The following ACOT7 variants were observed in gnomAD, a reference collection of about 807,000 sequenced individuals.
The protein encoded by ACOT7 is cytosolic acyl coenzyme A thioester hydrolase.
A neutral mutation model predicts 40.2 loss-of-function variants in ACOT7; 12 were observed. The observed-to-expected ratio is 0.30, with a 90% CI of 0.19 to 0.48. ACOT7 has a LOEUF of 0.48. ACOT7 is among the 20% of genes least tolerant of loss of function. The pLI, the probability that ACOT7 is intolerant of heterozygous loss-of-function variation, is 0.99. For synonymous variants in ACOT7, 228 were observed against 219.5 expected (o/e 1.04, Z -0.34); for missense variants, 395 against 530.8 (o/e 0.74, Z 2.51).
intron 7 of ACOT7, among the ~76,000 whole-genome samples, chr1:6,290,533 C>T (rs1424473498): frequency 6.6e-6 from 1 of 152,222 alleles, no homozygotes; most frequent in East Asian, 1.9e-4. Context: ...TACCTGCAGG[C>T]ACCTTTTCCA....
intron 7 of ACOT7, among the ~76,000 whole-genome samples, chr1:6,287,365 C>T (rs1639533415): frequency 6.6e-6 from 1 of 152,256 alleles, no homozygotes; most frequent in Non-Finnish European, 1.5e-5. Context: ...CTGGAACCAG[C>T]TCCATGGCTG....
chr1:6,374,776 C>T (rs575477931), intron 1 of ACOT7, among the ~76,000 whole-genome samples: 1 of 152,190 alleles, frequency 6.6e-6, no homozygotes, highest in Non-Finnish European at 1.5e-5. Flanking sequence ...ACAGACTCCC[C>T]GTCTAACCTA....
chr1:6,300,073 G>T (rs1045078384), intron 6 of ACOT7, among the ~76,000 whole-genome samples: 1 of 152,190 alleles, frequency 6.6e-6, no homozygotes, highest in Admixed American at 6.5e-5. Context: ...TGTGTGCTGG[G>T]GAGACACATT....
chr1:6,366,951 C>T (rs1397783347), intron 1 of ACOT7, among the ~76,000 whole-genome samples: 1 of 151,990 alleles, frequency 6.6e-6, no homozygotes, highest in Non-Finnish European at 1.5e-5. Context: ...GTAATCCCAG[C>T]ACTTTGGGAG....
rs144801076 is a variant in ACOT7, at chr1:6,385,834, G to A, written c.143+7423C>T. ...GACCGCCCCTCCCCCACCAGCCCCCGGCAAGCCGCCTCCTCGGCTTCCGGA... is the reference window on the plus strand; with the variant it reads ...GACCGCCCCTCCCCCACCAGCCCCCAGCAAGCCGCCTCCTCGGCTTCCGGA... On this transcript the variant is annotated intron_variant, in intron 1 of 8. Coordinates refer to ENST00000361521, the MANE Select transcript of ACOT7 (RefSeq NM_007274.4). The A allele has an allele frequency of 3.3e-3, 4,648 of 1,411,354 alleles. 82 individuals are homozygous for A. Among genetic ancestry groups the A allele is most frequent in the Middle Eastern group, 0.011 (41 of 3,858 alleles). The allele number at this position is 1,411,354 out of a possible 1,614,324, so 87.4% of individuals were successfully genotyped here.
chr1:6,316,902 TC>T (rs978760186), intron 6 of ACOT7, among the ~76,000 whole-genome samples: 2 of 152,178 alleles, frequency 1.3e-5, no homozygotes, highest in African/African-American at 4.8e-5. Context: ...CCTTTGACTC[TC>T]TGTGGGTGCT....
At position 6,386,777 on chromosome 1, in the gene ACOT7, T is replaced by G. The variant is rs534685784; in HGVS notation, c.143+6480A>C. Among the ~76,000 whole-genome samples the G allele has an allele frequency of 5.9e-5, 9 of 152,328 alleles. No individual in the cohort carries two copies. In the East Asian group the frequency reaches 1.7e-3, roughly 29 times the overall value. ...GAGAGGCTGAGGTGGGAGAATCCCT[T>G]GAGCCCAGAAGGTTGGGGCTGCAGA... is the stretch of plus-strand genomic sequence containing the variant. On this transcript the variant is annotated intron_variant, in intron 1 of 8. Coordinates refer to ENST00000361521, the MANE Select transcript of ACOT7 (RefSeq NM_007274.4).
intron 2 of ACOT7, among the ~76,000 whole-genome samples, chr1:6,340,272 C>T (rs930797918): frequency 5.9e-5 from 9 of 152,162 alleles, no homozygotes; most frequent in African/African-American, 1.9e-4. Context: ...GGCCTAGCAC[C>T]GCGCATTCCT....
chr1:6,314,925 C>T (rs1640443123), intron 6 of ACOT7, among the ~76,000 whole-genome samples: 1 of 149,356 alleles, frequency 6.7e-6, no homozygotes, highest in Non-Finnish European at 1.5e-5. Context: ...ACTGCACACA[C>T]ACCATCATCA....
chr1:6,313,124 C>T (rs1275688671), intron 6 of ACOT7, among the ~76,000 whole-genome samples: 9 of 152,210 alleles, frequency 5.9e-5, no homozygotes, highest in Admixed American at 5.2e-4. Context: ...GCATAATCGC[C>T]TGCGGCTGCT....
At chr1:6,267,430 A>T (rs949025485) in intron 8 of ACOT7, among the ~76,000 whole-genome samples, 2 of 152,038 alleles carry the variant, frequency 1.3e-5, no homozygotes, top group African/African-American at 4.8e-5. Context: ...GGCCCTGGAG[A>T]GGGGCTGAGG....
At chr1:6,312,086 G>T (rs1226085561) in intron 6 of ACOT7, among the ~76,000 whole-genome samples, 1 of 152,220 alleles carries the variant, frequency 6.6e-6, no homozygotes, top group East Asian at 1.9e-4. Flanking sequence ...AGGGCAGGAT[G>T]GAGAGGAAGG....
chr1:6,302,822 TAGAA>T (rs796509790), intron 6 of ACOT7, among the ~76,000 whole-genome samples: 79 of 151,554 alleles, frequency 5.2e-4, no homozygotes, highest in African/African-American at 1.9e-3. Context: ...GTGAGATCAT[TAGAA>T]AGCCACGTGC....
intron 5 of ACOT7, among the ~76,000 whole-genome samples, chr1:6,321,887 C>T (rs1016202474): frequency 2.0e-5 from 3 of 152,196 alleles, no homozygotes; most frequent in Non-Finnish European, 4.4e-5. Context: ...CTTTTCATGC[C>T]GCCAATTTCT....
intron 7 of ACOT7, among the ~76,000 whole-genome samples, chr1:6,292,661 CTTTGTTTTTTT>C (rs906575111): frequency 1.4e-5 from 2 of 147,436 alleles, no homozygotes; most frequent in Admixed American, 6.7e-5. Flanking sequence ...AGGGTGGGGA[CTTTGTTTTTTT>C]TTTGTTTTTT....
At chr1:6,340,198 C>A (rs1254503424) in intron 2 of ACOT7, among the ~76,000 whole-genome samples, 3 of 152,134 alleles carry the variant, frequency 2.0e-5, no homozygotes, top group African/African-American at 7.2e-5. Context: ...AATCTCCTGA[C>A]CTCGTGATCC....
At chr1:6,345,485 G>A (rs888120475) in intron 2 of ACOT7, among the ~76,000 whole-genome samples, 3 of 152,208 alleles carry the variant, frequency 2.0e-5, no homozygotes, top group Non-Finnish European at 4.4e-5. Flanking sequence ...ATAATAAATG[G>A]TCCCAACAGG....
chr1:6,290,343 A>T lies in ACOT7; in HGVS notation c.829+4521T>A, dbSNP rs550394748. Among the ~76,000 whole-genome samples the T allele has an allele frequency of 4.6e-5, 7 of 152,330 alleles. No individual in the cohort carries two copies. The South Asian group carries it at 1.5e-3, about 32-fold the overall frequency. On this transcript the variant is annotated intron_variant, in intron 7 of 8. Transcript: ENST00000361521. ...AACTCATGGAGGCCACATGACTGGC[A>T]ACGGGTCTCAACTCCTGGGCTTTTC...
chr1:6,318,573 T>C lies in ACOT7; in HGVS notation c.631A>G (p.Asn211Asp), dbSNP rs1490160900. Reference sequence around the variant, plus strand: ...CTGGACTGGCTGTAGCTGACAGTGTTCGGCTCTGGAATTGCAAAAGAGAGA... The same window carrying C: ...CTGGACTGGCTGTAGCTGACAGTGTCCGGCTCTGGAATTGCAAAAGAGAGA... The part of the protein sequence containing the change: ...IVQPVLNPEP[N>D]TVSYSQSSLI... The change falls in exon 6 of 9, where the codon AAC becomes GAC. Residue 211 changes from asparagine to aspartate, a missense_variant. Asn to Asp is a conservative substitution (Grantham distance 23, BLOSUM62 1). Transcript: ENST00000361521. 1.2e-6 allele frequency: 2 copies of C among 1,614,038 alleles called. No homozygotes were observed. Among genetic ancestry groups the C allele is most frequent in the Admixed American group, 1.7e-5 (1 of 60,008 alleles).
Sources: allele counts gnomAD v4.1 joint callset (sites outside exome capture counted in the v4.1 genomes callset), GRCh38; gene constraint gnomAD v4.1.1; transcripts MANE v1.5; gene names NCBI Gene and HGNC (gene_info 2026-07-23, HGNC 2026-07-21).